Variants in DST observed in about 807,000 individuals in gnomAD.
The protein encoded by DST is bullous pemphigoid antigen.
A neutral mutation model predicts 875.2 loss-of-function variants in DST; 253 were observed. The ratio of observed to expected loss-of-function variants is 0.29; its 90% CI spans 0.26 to 0.32. The LOEUF is 0.32. Ranked by LOEUF, DST falls within the 10% of genes least tolerant of loss-of-function variation. The pLI, the probability that DST is intolerant of heterozygous loss-of-function variation, is 1.00. For missense variants in DST, 8,287 were observed against 9,111.6 expected (o/e 0.91, Z 3.68); for synonymous variants, 3,124 against 3,197.1 (o/e 0.98, Z 0.77).
Position 56,463,567 on chromosome 6 carries a change from T to G in DST, c.22957A>C (p.Lys7653Gln), listed in dbSNP as rs1431482238. 6.3e-7 allele frequency: 1 copy of G among 1,579,692 alleles called. No individual in the cohort carries two copies. Among genetic ancestry groups the G allele is most frequent in the East Asian group, 2.2e-5 (1 of 44,486 alleles). The stretch of plus-strand genomic sequence containing the variant: ...AAAGTCTTCATCCTGAGTCTTACCT[T>G]GGGTGTGGTGGTGGCAGGGACCTGT... The part of the protein sequence containing the change: ...SPQVPATTTP[K>Q]ILHPLTRNYG... Residue 7653 changes from lysine (K) to glutamine (Q), a missense_variant and splice_region_variant, in exon 101 of 104, where the codon AAG (lysine) becomes CAG (glutamine). By Grantham distance (53) the Lys-to-Gln change is moderately conservative (BLOSUM62 1). This residue lies in a region of DST where 240 missense variants were observed against 237.3 expected (regional missense o/e 1.01). Transcript: ENST00000680361.
In DST at chr6:56,833,608, A is replaced by G. The variant is rs1031842383; in HGVS notation, c.625+17789T>C. Among the ~76,000 whole-genome samples the G allele has an allele frequency of 9.9e-5, 15 of 152,178 alleles. 1 individual carries two copies. Among genetic ancestry groups the G allele is most frequent in the African/African-American group, 3.4e-4 (14 of 41,428 alleles). ...CCAACTGGATACCTGAATTGCAGCTACAACAGCATATTAGATACACCAAAG... is the reference window on the plus strand; with the variant it reads ...CCAACTGGATACCTGAATTGCAGCTGCAACAGCATATTAGATACACCAAAG... On this transcript the variant is annotated intron_variant, in intron 4 of 103. Coordinates refer to ENST00000680361, the MANE Select transcript of DST (RefSeq NM_001374736.1).
intron 4 of DST, among the ~76,000 whole-genome samples, chr6:56,791,201 G>A (rs1019596357): frequency 9.9e-5 from 15 of 152,182 alleles, no homozygotes; most frequent in Non-Finnish European, 2.1e-4. Flanking sequence ...TGGTAAGGCA[G>A]TGAGCCGAGA....
At chr6:56,702,394 CACACACACAT>C (rs2099312906) in intron 7 of DST, among the ~76,000 whole-genome samples, 1 of 151,904 alleles carries the variant, frequency 6.6e-6, no homozygotes. Flanking sequence ...CACACACACA[CACACACACAT>C]ATATATATAC....
chr6:56,480,422 T>C (rs1379316857), intron 90 of DST, among the ~76,000 whole-genome samples: 1 of 152,216 alleles, frequency 6.6e-6, no homozygotes, highest in East Asian at 1.9e-4. Flanking sequence ...TGGACTGGAC[T>C]GTCAACATTC....
At chr6:56,485,821 T>C (rs2095540156) in intron 87 of DST, among the ~76,000 whole-genome samples, 1 of 152,184 alleles carries the variant, frequency 6.6e-6, no homozygotes, top group Non-Finnish European at 1.5e-5. Flanking sequence ...TACACTTCTA[T>C]ACATTTTAAC....
chr6:56,586,515 A>G (rs2098153314), intron 49 of DST, among the ~76,000 whole-genome samples: 1 of 151,834 alleles, frequency 6.6e-6, no homozygotes, highest in Admixed American at 6.6e-5. Context: ...GGGTTTCCTG[A>G]ATACAGCACA....
intron 9 of DST, among the ~76,000 whole-genome samples, chr6:56,684,438 T>C (rs2099170678): frequency 6.6e-6 from 1 of 152,224 alleles, no homozygotes; most frequent in Non-Finnish European, 1.5e-5. Flanking sequence ...GAAAGTTATA[T>C]AATGAAGATT....
intron 70 of DST, 58 bp downstream of exon 70, chr6:56,517,443 T>A (rs1306409858): frequency 6.2e-7 from 1 of 1,600,516 alleles, no homozygotes; most frequent in South Asian, 1.1e-5. Flanking sequence ...GCACATTTTA[T>A]AGAGTTGGAG....
chr6:56,718,545 C>T (rs779981260), intron 5 of DST, among the ~76,000 whole-genome samples: 2 of 152,160 alleles, frequency 1.3e-5, no homozygotes. Flanking sequence ...CCCAACAATT[C>T]CATTTCTAGG....
At chr6:56,734,785 A>C (rs2099516862) in intron 5 of DST, among the ~76,000 whole-genome samples, 1 of 152,210 alleles carries the variant, frequency 6.6e-6, no homozygotes, top group Non-Finnish European at 1.5e-5. Context: ...ATAAGAATAT[A>C]ATAAGTCTAG....
chr6:56,462,055 G>C (rs1331080409), intron 102 of DST: 2 of 152,202 alleles, frequency 1.3e-5, no homozygotes, highest in African/African-American at 4.8e-5. Context: ...AAAGTGTTTT[G>C]AAAAGCATAA....
chr6:56,890,465 T>C (rs1380955494), intron 3 of DST, among the ~76,000 whole-genome samples: 6 of 152,262 alleles, frequency 3.9e-5, no homozygotes, highest in Non-Finnish European at 8.8e-5. Context: ...CTAAGCATCC[T>C]AGTGACATAT....
chr6:56,554,571 A>G (rs896835033), intron 60 of DST, among the ~76,000 whole-genome samples: 1 of 152,232 alleles, frequency 6.6e-6, no homozygotes, highest in African/African-American at 2.4e-5. Flanking sequence ...ATTACAGTAC[A>G]TGTAAAGCTT....
At chr6:56,613,414 G>T (rs1224686583) in intron 37 of DST, among the ~76,000 whole-genome samples, 1 of 152,152 alleles carries the variant, frequency 6.6e-6, no homozygotes, top group Non-Finnish European at 1.5e-5. Context: ...AGCCAAGTAA[G>T]ACAAGGCACT....
intron 36 of DST, chr6:56,615,137 T>C: frequency 1.9e-6 from 2 of 1,066,902 alleles, no homozygotes. Context: ...CTTCATGACG[T>C]GCTCTTTCAG....
chr6:56,560,404 T>G lies in DST; in HGVS notation c.14330A>C (p.Lys4777Thr), dbSNP rs1418361533. The G allele has an allele frequency of 6.2e-7, 1 of 1,600,416 alleles. No individual in the cohort carries two copies. ...CTCCTGTACTTTGTTTACATTCTGCTTCAGTTCTGCCTCAAACGACTAACA... is the reference window on the plus strand; with the variant it reads ...CTCCTGTACTTTGTTTACATTCTGCGTCAGTTCTGCCTCAAACGACTAACA... ...EQNKSFEAELKQNVNKVQELK... is the reference protein window; with the variant it reads ...EQNKSFEAELTQNVNKVQELK... Residue 4777 changes from lysine to threonine, a missense_variant, in exon 58 of 104, where the codon AAG becomes ACG. Physicochemically the swap from Lys to Thr is moderately conservative, Grantham distance 78 (BLOSUM62 -1). This residue lies in a region of DST where 1,513 missense variants were observed against 1,677.8 expected (regional missense o/e 0.90). Coordinates refer to ENST00000680361, the MANE Select transcript of DST (RefSeq NM_001374736.1).
At position 56,642,223 on chromosome 6, in the gene DST, T is replaced by G. The variant is rs536054891; in HGVS notation, c.1873-122A>C. On this transcript the variant is annotated intron_variant, in intron 16 of 103. Coordinates refer to ENST00000680361, the MANE Select transcript of DST (RefSeq NM_001374736.1). Reference sequence around the variant, plus strand: ...GCTTTCTTTAGTTTTCCTTGTTGGTTCAAAAATATGTTTTCCCTCTTCTTG... The same window carrying G: ...GCTTTCTTTAGTTTTCCTTGTTGGTGCAAAAATATGTTTTCCCTCTTCTTG... 9.3e-5 allele frequency: 87 copies of G among 936,508 alleles called. No individual in the cohort carries two copies. The African/African-American group carries it at 1.3e-3, about 14-fold the overall frequency. The allele number at this position is 936,508 out of a possible 1,614,324, so 58.0% of individuals were successfully genotyped here.
intron 7 of DST, among the ~76,000 whole-genome samples, chr6:56,702,636 A>G (rs2099314475): frequency 6.6e-6 from 1 of 152,174 alleles, no homozygotes; most frequent in Non-Finnish European, 1.5e-5. Context: ...GGATGGAAAC[A>G]ATTATTTTCT....
chr6:56,791,366 T>C (rs2099722991), intron 4 of DST, among the ~76,000 whole-genome samples: 2 of 152,104 alleles, frequency 1.3e-5, no homozygotes, highest in African/African-American at 2.4e-5. Context: ...ATAAATACAG[T>C]AATGTTGTGA....
Sources: allele counts gnomAD v4.1 joint callset (sites outside exome capture counted in the v4.1 genomes callset), GRCh38; gene constraint gnomAD v4.1.1; regional missense constraint gnomAD v4.1.1; transcripts MANE v1.5; gene names NCBI Gene and HGNC (gene_info 2026-07-23, HGNC 2026-07-21).